Variants in PREX1 observed in about 807,000 individuals in gnomAD.
PREX1 encodes the protein phosphatidylinositol-3,4,5-trisphosphate dependent Rac exchange factor 1, also known as phosphatidylinositol 3,4,5-trisphosphate-dependent Rac exchanger 1 protein.
PREX1 carries 41 observed loss-of-function variants against 198.3 expected under a neutral mutation model. That is an observed-to-expected ratio of 0.21 (90% CI 0.16 to 0.27). The LOEUF (loss-of-function observed/expected upper bound fraction) is 0.27, where lower values mean the gene tolerates loss of function less well. Ranked by LOEUF, PREX1 falls within the 10% of genes least tolerant of loss-of-function variation. The probability of loss-of-function intolerance (pLI) is 1.00; values close to 1 mark genes in which losing one functional copy is unlikely to be tolerated. For missense variants in PREX1, 1,620 were observed against 2,200.7 expected (o/e 0.74, Z 5.28); for synonymous variants, 843 against 887.2 (o/e 0.95, Z 0.89).
At chr20:48,814,774 G>T (rs1568651915) in intron 1 of PREX1, among the ~76,000 whole-genome samples, 1 of 152,178 alleles carries the variant, frequency 6.6e-6, no homozygotes, top group Admixed American at 6.5e-5. Flanking sequence ...AGAATGAAAT[G>T]GCAGGGTGTT....
chr20:48,681,902 G>GAACA (rs1220925737), intron 10 of PREX1, among the ~76,000 whole-genome samples: 4 of 152,090 alleles, frequency 2.6e-5, no homozygotes, highest in African/African-American at 9.7e-5. Flanking sequence ...CAGAAGGAAT[G>GAACA]GACAAACATG....
At chr20:48,715,381 A>T (rs2123104293) in intron 5 of PREX1, among the ~76,000 whole-genome samples, 1 of 152,364 alleles carries the variant, frequency 6.6e-6, no homozygotes, top group Middle Eastern at 3.4e-3. Context: ...CAATAGAAGT[A>T]TCAATGATAG....
intron 1 of PREX1, among the ~76,000 whole-genome samples, chr20:48,801,383 C>A (rs2090386062): frequency 6.6e-6 from 1 of 152,214 alleles, no homozygotes; most frequent in African/African-American, 2.4e-5. Flanking sequence ...CCAGGCCTGA[C>A]AACCACACAC....
chr20:48,856,938 C>A, the PREX1 span, among the ~76,000 whole-genome samples: 1 of 152,248 alleles, frequency 6.6e-6, no homozygotes, highest in African/African-American at 2.4e-5. Context: ...CTCCCAGGTT[C>A]AAGCAATTCT....
the PREX1 span, among the ~76,000 whole-genome samples, chr20:48,842,279 T>C: frequency 6.6e-6 from 1 of 152,200 alleles, no homozygotes; most frequent in Non-Finnish European, 1.5e-5. Flanking sequence ...ACTTTCCCTT[T>C]TTTTAAGACC....
intron 7 of PREX1, among the ~76,000 whole-genome samples, chr20:48,694,729 G>A (rs2089836738): frequency 6.6e-6 from 1 of 152,208 alleles, no homozygotes; most frequent in Non-Finnish European, 1.5e-5. Flanking sequence ...GAGGATTCAG[G>A]AACGTGGAAG....
At chr20:48,874,813 G>T in the PREX1 span, among the ~76,000 whole-genome samples, 27 of 150,968 alleles carry the variant, frequency 1.8e-4, no homozygotes, top group Non-Finnish European at 3.7e-4. Flanking sequence ...GGAGGTGGAG[G>T]TTGTAGTGAG....
the PREX1 span, among the ~76,000 whole-genome samples, chr20:48,867,059 T>G: frequency 2.0e-5 from 3 of 151,970 alleles, no homozygotes; most frequent in African/African-American, 7.2e-5. Context: ...AAAAGGAAAG[T>G]AAGGAAGGAA....
At chr20:48,855,693 G>A in the PREX1 span, among the ~76,000 whole-genome samples, 1 of 152,206 alleles carries the variant, frequency 6.6e-6, no homozygotes, top group African/African-American at 2.4e-5. Context: ...GAGGTCAGGA[G>A]TTCAAGACCA....
In PREX1 at chr20:48,726,338, G is replaced by A. The variant is rs759955903; in HGVS notation, c.573C>T (p.Tyr191=). The change falls in exon 5 of 40, where the codon TAC becomes TAT. Residue 191 remains tyrosine, a synonymous_variant. Coordinates refer to ENST00000371941, the MANE Select transcript of PREX1 (RefSeq NM_020820.4). ...AGATCCTCTGGATCGGAGACAACAG[G>A]TAGCCTTCCAAAGGGATGTCCGTGG... is the stretch of plus-strand genomic sequence containing the variant. ...RKTTDIPLEG[Y]LLSPIQRICK... is the part of the protein sequence containing the mutation. 2 of 1,614,002 alleles carry A rather than the reference G, an allele frequency of 1.2e-6. No homozygotes were observed. The highest frequency in any genetic ancestry group is 2.2e-5 in the South Asian group (2 of 90,986).
At chr20:48,862,789 A>AT in the PREX1 span, among the ~76,000 whole-genome samples, 7,634 of 75,750 alleles carry the variant, frequency 0.1, 523 homozygotes, top group African/African-American at 0.25. Context: ...CTAAAAAAAA[A>AT]AATATATATA....
chr20:48,848,830 G>A, the PREX1 span, among the ~76,000 whole-genome samples: 2 of 152,272 alleles, frequency 1.3e-5, no homozygotes, highest in African/African-American at 2.4e-5. Context: ...TCCGCCTCTG[G>A]CATTCAAGGA....
intron 1 of PREX1, among the ~76,000 whole-genome samples, chr20:48,802,700 C>T (rs907540996): frequency 1.3e-5 from 2 of 152,246 alleles, no homozygotes; most frequent in Non-Finnish European, 2.9e-5. Context: ...GTTTTGATCA[C>T]TGCTGTTTCC....
At chr20:48,710,962 G>C (rs1379406986) in intron 5 of PREX1, among the ~76,000 whole-genome samples, 1 of 152,250 alleles carries the variant, frequency 6.6e-6, no homozygotes, top group Non-Finnish European at 1.5e-5. Flanking sequence ...CCGCAGTGGG[G>C]TGTTTGGGTT....
At chr20:48,639,639 T>C in intron 30 of PREX1, 127 bp downstream of exon 30, 1 of 1,416,936 alleles carries the variant, frequency 7.1e-7, no homozygotes, top group Non-Finnish European at 9.6e-7. Flanking sequence ...GCATCACTTC[T>C]CTTGTCCTCT....
chr20:48,657,236 CCT>C (rs747641263), intron 17 of PREX1, 48 bp from the exon 18 acceptor site: 6 of 1,592,464 alleles, frequency 3.8e-6, no homozygotes, highest in Admixed American at 1.7e-5. Flanking sequence ...TTACTAAGCT[CCT>C]TCCCTCCTCA....
chr20:48,694,255 A>G (rs2089834334), intron 7 of PREX1, among the ~76,000 whole-genome samples: 1 of 152,170 alleles, frequency 6.6e-6, no homozygotes. Context: ...GTATTTTGTT[A>G]TAGCAGCCTG....
the PREX1 span, among the ~76,000 whole-genome samples, chr20:48,846,170 A>T: frequency 6.6e-6 from 1 of 152,186 alleles, no homozygotes; most frequent in Non-Finnish European, 1.5e-5. Context: ...ACGGTCACAT[A>T]GCCAATAAAT....
the PREX1 span, among the ~76,000 whole-genome samples, chr20:48,876,692 G>A: frequency 6.6e-6 from 1 of 152,152 alleles, no homozygotes; most frequent in South Asian, 2.1e-4. Context: ...ATATTCTTGG[G>A]AAGATGAAAA....
Sources: gnomAD v4.1 joint callset for allele counts (sites outside exome capture counted in the v4.1 genomes callset) on GRCh38, gnomAD v4.1.1 for gene constraint, MANE v1.5 for transcripts, NCBI Gene and HGNC (gene_info 2026-07-23, HGNC 2026-07-21) for gene names.